The following PDE6A variants were observed in gnomAD, a reference collection of about 807,000 sequenced individuals.
PDE6A encodes rod cGMP-specific 3',5'-cyclic phosphodiesterase subunit alpha.
Under a neutral mutation model 106.3 loss-of-function variants are expected in PDE6A, and 84 were observed. The observed-to-expected ratio is 0.79, with a 90% CI of 0.66 to 0.95. The LOEUF (loss-of-function observed/expected upper bound fraction) is 0.95, where lower values mean the gene tolerates loss of function less well. Among genes scored for constraint, PDE6A ranks in the 40% least tolerant of loss-of-function variants. PDE6A has a pLI of 0.00. For missense variants in PDE6A, 1,052 were observed against 1,084.9 expected (o/e 0.97, Z 0.43); for synonymous variants, 394 against 386.6 (o/e 1.02, Z -0.23).
chr5:149,878,945 G>A (rs1196744071), intron 17 of PDE6A, among the ~76,000 whole-genome samples: 1 of 152,066 alleles, frequency 6.6e-6, no homozygotes, highest in African/African-American at 2.4e-5. Flanking sequence ...TTTAGACTAT[G>A]TGTTTTTGTG....
intron 7 of PDE6A, among the ~76,000 whole-genome samples, chr5:149,904,846 A>T (rs1423097122): frequency 6.6e-6 from 1 of 152,092 alleles, no homozygotes; most frequent in East Asian, 1.9e-4. Context: ...TGTCTCTCTC[A>T]TGCTTGAAAA....
At chr5:149,872,182 T>A (rs1760584922) in intron 17 of PDE6A, among the ~76,000 whole-genome samples, 1 of 152,182 alleles carries the variant, frequency 6.6e-6, no homozygotes, top group African/African-American at 2.4e-5. Context: ...TCCTCCCCAC[T>A]TGCTGTGTCC....
At chr5:149,938,513 G>A (rs1754243538) in intron 1 of PDE6A, among the ~76,000 whole-genome samples, 1 of 152,170 alleles carries the variant, frequency 6.6e-6, no homozygotes, top group African/African-American at 2.4e-5. Flanking sequence ...ACTGGGCTAG[G>A]TGCCAGGGGC....
intron 1 of PDE6A, among the ~76,000 whole-genome samples, chr5:149,943,541 A>G (rs1302321453): frequency 6.6e-6 from 1 of 152,220 alleles, no homozygotes; most frequent in Non-Finnish European, 1.5e-5. Context: ...AGCTGGTCTC[A>G]AACTCTTGGG....
intron 12 of PDE6A, among the ~76,000 whole-genome samples, chr5:149,895,865 G>A (rs1304480380): frequency 6.6e-6 from 1 of 152,000 alleles, no homozygotes; most frequent in Non-Finnish European, 1.5e-5. Context: ...ATGTGGTCTG[G>A]GGTAACACTT....
chr5:149,901,205 C>T (rs894727918), intron 8 of PDE6A, among the ~76,000 whole-genome samples: 2 of 152,106 alleles, frequency 1.3e-5, no homozygotes, highest in Middle Eastern at 3.2e-3. Context: ...TGTGAACCAT[C>T]GCACCTGGCC....
intron 19 of PDE6A, 79 bp downstream of exon 19, chr5:149,867,646 T>C: frequency 8.1e-7 from 1 of 1,234,622 alleles, no homozygotes; most frequent in South Asian, 1.2e-5. Context: ...CACACATCTC[T>C]CCATCATGGC....
At chr5:149,892,328 T>TA (rs1752575364) in intron 13 of PDE6A, among the ~76,000 whole-genome samples, 1 of 152,080 alleles carries the variant, frequency 6.6e-6, no homozygotes, top group East Asian at 1.9e-4. Context: ...AAAAAAAACT[T>TA]AAAAAAATGT....
chr5:149,901,247 G>A (rs533867852), intron 8 of PDE6A, among the ~76,000 whole-genome samples: 21 of 152,228 alleles, frequency 1.4e-4, no homozygotes, highest in African/African-American at 4.6e-4. Context: ...ATTATTCAGG[G>A]GCTGGGCGCA....
At chr5:149,874,436 C>T (rs1760667456) in intron 17 of PDE6A, among the ~76,000 whole-genome samples, 1 of 152,184 alleles carries the variant, frequency 6.6e-6, no homozygotes, top group Non-Finnish European at 1.5e-5. Context: ...AGCTCAGAAA[C>T]AGCCAAATGA....
rs150511819 is a variant in PDE6A at position 149,886,360 on chromosome 5, C to G, written c.1743G>C (p.Lys581Asn). 9 of 1,613,892 alleles carry G rather than the reference C, an allele frequency of 5.6e-6. No individual in the cohort carries two copies. In the African/African-American group the frequency reaches 1.2e-4, roughly 22 times the overall value. ...MFSLLVTGKLKRYFTDLEALA... is the reference protein window; with the variant it reads ...MFSLLVTGKLNRYFTDLEALA... Reference sequence around the variant, plus strand: ...AGGCCTCTAGGTCCGTGAAGTAGCGCTTCAGCTTTCCCGTCTGGAAGGGCA... The same window carrying G: ...AGGCCTCTAGGTCCGTGAAGTAGCGGTTCAGCTTTCCCGTCTGGAAGGGCA... The change falls in exon 14 of 22, where the codon AAG becomes AAC. Residue 581 changes from lysine to asparagine, a missense_variant. Coordinates refer to ENST00000255266, the MANE Select transcript of PDE6A (RefSeq NM_000440.3).
chr5:149,911,366 C>T (rs536365266), intron 6 of PDE6A, among the ~76,000 whole-genome samples: 5 of 152,216 alleles, frequency 3.3e-5, no homozygotes, highest in African/African-American at 1.2e-4. Flanking sequence ...TTCTTTGTTC[C>T]TATAAAACCA....
intron 5 of PDE6A, among the ~76,000 whole-genome samples, chr5:149,921,415 T>C (rs1753713836): frequency 6.6e-6 from 1 of 152,124 alleles, no homozygotes; most frequent in Non-Finnish European, 1.5e-5. Context: ...TTATGAGGAA[T>C]TATTGTTGCT....
At chr5:149,900,299 T>TTGCAG (rs1234021378) in intron 8 of PDE6A, among the ~76,000 whole-genome samples, 1 of 147,720 alleles carries the variant, frequency 6.8e-6, no homozygotes, top group African/African-American at 2.5e-5. Flanking sequence ...GAGGCAGAGG[T>TTGCAG]TGCAGTGAGC....
At position 149,894,629 on chromosome 5, in the gene PDE6A, ATTTTTT is replaced by A. The variant is rs10657525; in HGVS notation, c.1728+548_1728+553del. ...TAACCATGACCAATTGAACTGTTGA[ATTTTTT>A]TTTTTTTTTTTTTTTGAGACAGAGT... On this transcript the variant is annotated intron_variant, in intron 13 of 21. Coordinates refer to ENST00000255266, the MANE Select transcript of PDE6A (RefSeq NM_000440.3). Among the ~76,000 whole-genome samples the A allele has an allele frequency of 2.3e-3, 258 of 113,038 alleles. 1 individual carries two copies. Among genetic ancestry groups the A allele is most frequent in the African/African-American group, 9.3e-3 (256 of 27,594 alleles). The allele number at this position is 113,038 out of a possible 152,430, so 74.2% of individuals were successfully genotyped here. A position where few individuals can be genotyped will look rare whatever the true frequency, so the allele number is the denominator to read the frequency against.
intron 19 of PDE6A, 200 bp downstream of exon 19, chr5:149,867,525 G>A: frequency 1.5e-6 from 1 of 650,684 alleles, no homozygotes; most frequent in African/African-American, 1.8e-5. Flanking sequence ...CTAGGGTGAG[G>A]CTTGTGAATA....
intron 5 of PDE6A, 67 bp downstream of exon 5, chr5:149,921,568 A>G: frequency 3.1e-6 from 4 of 1,307,742 alleles, no homozygotes; most frequent in Non-Finnish European, 4.4e-6. Context: ...AAAATCCTTT[A>G]ACAGGGTTTA....
chr5:149,917,225 C>G (rs1288772891), intron 5 of PDE6A, among the ~76,000 whole-genome samples: 1 of 151,962 alleles, frequency 6.6e-6, no homozygotes, highest in Admixed American at 6.6e-5. Context: ...GTGACTCACT[C>G]TCTTGAGTAT....
intron 8 of PDE6A, among the ~76,000 whole-genome samples, chr5:149,900,593 G>C (rs573047205): frequency 6.6e-6 from 1 of 151,600 alleles, no homozygotes; most frequent in Admixed American, 6.6e-5. Flanking sequence ...GTCAAGGAAG[G>C]CTTCCTGGAG....
Sources: allele counts gnomAD v4.1 joint callset (sites outside exome capture counted in the v4.1 genomes callset), GRCh38; gene constraint gnomAD v4.1.1; transcripts MANE v1.5; gene names NCBI Gene and HGNC (gene_info 2026-07-23, HGNC 2026-07-21).